Variants in TMEFF1 observed in about 807,000 individuals in gnomAD.
TMEFF1 encodes the protein transmembrane protein with EGF like and two follistatin like domains 1.
Under a neutral mutation model 47.5 loss-of-function variants are expected in TMEFF1, and 20 were observed. That is an observed-to-expected ratio of 0.42 (90% CI 0.30 to 0.61). The LOEUF (loss-of-function observed/expected upper bound fraction) is 0.61. Ranked by LOEUF, TMEFF1 falls within the 20% of genes least tolerant of loss-of-function variation. The probability of loss-of-function intolerance (pLI) is 0.19; values close to 1 mark genes in which losing one functional copy is unlikely to be tolerated. For synonymous variants in TMEFF1, 162 were observed against 166.3 expected (o/e 0.97, Z 0.20); for missense variants, 411 against 471.1 (o/e 0.87, Z 1.18).
At chr9:100,558,564 G>C (rs890157405) in intron 7 of TMEFF1, among the ~76,000 whole-genome samples, 1 of 151,398 alleles carries the variant, frequency 6.6e-6, no homozygotes, top group African/African-American at 2.4e-5. Flanking sequence ...ATAAATAAAA[G>C]ATGTGATAAT....
intron 9 of TMEFF1, among the ~76,000 whole-genome samples, chr9:100,575,406 G>A (rs1176642703): frequency 6.6e-6 from 1 of 152,162 alleles, no homozygotes; most frequent in Non-Finnish European, 1.5e-5. Context: ...ATGGCACTAG[G>A]AAATTGGAAT....
At position 100,503,019 on chromosome 9, in the gene TMEFF1, A is replaced by G. The variant is rs189218932; in HGVS notation, c.306+4145A>G. 4.6e-5 allele frequency among the ~76,000 whole-genome samples: 7 copies of G among 152,270 alleles called. No homozygotes were observed. In the East Asian group the frequency reaches 1.2e-3, roughly 25 times the overall value. ...TCCTTTGACCATTCTGCCTTCCTTT[A>G]TAAGATTATAAATCTGTTCAGGGTA... On this transcript the variant is annotated intron_variant, in intron 2 of 9. Coordinates refer to ENST00000374879, the MANE Select transcript of TMEFF1 (RefSeq NM_003692.5).
intron 1 of TMEFF1, among the ~76,000 whole-genome samples, chr9:100,496,979 G>A (rs1180653402): frequency 6.6e-6 from 1 of 152,142 alleles, no homozygotes; most frequent in Non-Finnish European, 1.5e-5. Flanking sequence ...CTTTTACAGG[G>A]CAGTTCTTTA....
At position 100,473,554 on chromosome 9, in the gene TMEFF1, G is replaced by T; in HGVS notation, c.10G>T (p.Ala4Ser). MGA[A>S]AAEAPLRLPA... ...TCCAGGGGCACCAGTCATGGGCGCCGCAGCCGCTGAGGCGCCGCTCCGGCT... is the reference window on the plus strand; with the variant it reads ...TCCAGGGGCACCAGTCATGGGCGCCTCAGCCGCTGAGGCGCCGCTCCGGCT... The change falls in exon 1 of 10, where the codon GCA (alanine) becomes TCA (serine). Residue 4 changes from alanine (A) to serine (S), a missense_variant. Physicochemically the swap from Ala to Ser is moderately conservative, Grantham distance 99 (BLOSUM62 1). Transcript: ENST00000374879. The surrounding 1 kb of genome is among the most constrained non-coding windows in gnomAD (Gnocchi z 5.4). The T allele has an allele frequency of 6.6e-7, 1 of 1,523,126 alleles. No individual in the cohort carries two copies. The allele number at this position is 1,523,126 out of a possible 1,614,324, so 94.4% of individuals were successfully genotyped here. A position where few individuals can be genotyped will look rare whatever the true frequency, so the allele number is the denominator to read the frequency against.
intron 5 of TMEFF1, among the ~76,000 whole-genome samples, chr9:100,535,340 A>T (rs555079277): frequency 6.6e-6 from 1 of 152,196 alleles, no homozygotes; most frequent in South Asian, 2.1e-4. Context: ...CCCTTTCCTT[A>T]ATTACTTAAT....
chr9:100,564,145 G>A (rs1839075862), intron 8 of TMEFF1, among the ~76,000 whole-genome samples: 1 of 152,154 alleles, frequency 6.6e-6, no homozygotes, highest in Admixed American at 6.5e-5. Flanking sequence ...AGCAATCTCG[G>A]CTCACTGCAA....
chr9:100,574,207 A>G (rs1839305718), intron 9 of TMEFF1, among the ~76,000 whole-genome samples: 1 of 152,240 alleles, frequency 6.6e-6, no homozygotes, highest in Admixed American at 6.5e-5. Flanking sequence ...GACTTGGTAT[A>G]AACCATATTT....
chr9:100,551,186 T>A (rs756069340), intron 7 of TMEFF1, among the ~76,000 whole-genome samples: 2 of 152,256 alleles, frequency 1.3e-5, no homozygotes, highest in Non-Finnish European at 2.9e-5. Context: ...CTAAACAATA[T>A]GTAAAATGGG....
intron 8 of TMEFF1, among the ~76,000 whole-genome samples, chr9:100,566,394 C>T (rs1839125643): frequency 6.6e-6 from 1 of 152,218 alleles, no homozygotes; most frequent in South Asian, 2.1e-4. Flanking sequence ...CAAAGCTGAT[C>T]TCCTGATCTG....
chr9:100,501,229 T>C (rs1198310141), intron 2 of TMEFF1, among the ~76,000 whole-genome samples: 3 of 152,224 alleles, frequency 2.0e-5, no homozygotes, highest in Admixed American at 2.0e-4. Context: ...GGTGGAATTG[T>C]TGGGCCAGTG....
intron 4 of TMEFF1, among the ~76,000 whole-genome samples, chr9:100,514,397 G>A (rs1327124174): frequency 1.3e-5 from 2 of 151,918 alleles, no homozygotes; most frequent in African/African-American, 4.8e-5. Flanking sequence ...TTATAATCAG[G>A]TGTGAAGGAT....
At chr9:100,548,778 C>CTAATTG (rs1838782335) in intron 6 of TMEFF1, among the ~76,000 whole-genome samples, 1 of 152,160 alleles carries the variant, frequency 6.6e-6, no homozygotes, top group Non-Finnish European at 1.5e-5. Context: ...GATTGCAGTA[C>CTAATTG]CTCTGGTCTA....
At chr9:100,516,821 G>C in intron 5 of TMEFF1, 50 bp downstream of exon 5, 1 of 1,581,000 alleles carries the variant, frequency 6.3e-7, no homozygotes, top group Non-Finnish European at 8.6e-7. Context: ...TTAATCATCA[G>C]TATGATTATA....
intron 1 of TMEFF1, among the ~76,000 whole-genome samples, chr9:100,492,253 G>A (rs929888340): frequency 1.3e-5 from 2 of 152,150 alleles, no homozygotes; most frequent in African/African-American, 2.4e-5. Context: ...CCTTTAAAAA[G>A]GAAGCTAAAG....
chr9:100,519,744 T>G (rs963039883), intron 5 of TMEFF1, among the ~76,000 whole-genome samples: 25 of 151,388 alleles, frequency 1.7e-4, no homozygotes, highest in Non-Finnish European at 2.8e-4. Flanking sequence ...TATTAAGTCT[T>G]GGTCACTCTG....
At chr9:100,495,151 C>T (rs1837628419) in intron 1 of TMEFF1, among the ~76,000 whole-genome samples, 2 of 152,006 alleles carry the variant, frequency 1.3e-5, no homozygotes, top group Admixed American at 1.3e-4. Context: ...GGTTTTGGAA[C>T]CACTGATATT....
chr9:100,571,652 T>G, intron 8 of TMEFF1, among the ~76,000 whole-genome samples: 1 of 149,884 alleles, frequency 6.7e-6, no homozygotes. Context: ...GGATTGGGGG[T>G]GGGGGTGATG....
At chr9:100,475,800 G>A (rs1837215063) in intron 1 of TMEFF1, among the ~76,000 whole-genome samples, 1 of 151,264 alleles carries the variant, frequency 6.6e-6, no homozygotes, top group Non-Finnish European at 1.5e-5. Flanking sequence ...GAGTGACCTC[G>A]GGTATGGGCA....
intron 8 of TMEFF1, among the ~76,000 whole-genome samples, chr9:100,568,806 A>G (rs1445563535): frequency 6.6e-6 from 1 of 152,156 alleles, no homozygotes; most frequent in East Asian, 1.9e-4. Flanking sequence ...TAGTTCATGT[A>G]AATTGAACTA....
Sources: allele counts gnomAD v4.1 joint callset (sites outside exome capture counted in the v4.1 genomes callset), GRCh38; gene constraint gnomAD v4.1.1; non-coding constraint Gnocchi (gnomAD v3.1); transcripts MANE v1.5; gene names NCBI Gene and HGNC (gene_info 2026-07-23, HGNC 2026-07-21).